IMPA1: variants seen among roughly 807,000 people sequenced by gnomAD.
IMPA1 encodes inositol monophosphatase 1.
In IMPA1, 21 loss-of-function variants were observed where a neutral mutation model predicts 34.9. That is an observed-to-expected ratio of 0.60 (90% confidence interval 0.43 to 0.87). The LOEUF is 0.87. Among genes scored for constraint, IMPA1 ranks in the 40% least tolerant of loss-of-function variants. The pLI, the probability that IMPA1 is intolerant of heterozygous loss-of-function variation, is 0.00. For synonymous variants in IMPA1, 95 were observed against 104.4 expected (o/e 0.91, Z 0.55); for missense variants, 299 against 336.4 (o/e 0.89, Z 0.87).
rs1448328320 is a variant in IMPA1 at position 81,658,084 on chromosome 8, C to T, written c.*1267G>A. The T allele has an allele frequency of 6.6e-6, 1 of 151,728 alleles. No individual in the cohort carries two copies. Among genetic ancestry groups the T allele is most frequent in the Non-Finnish European group, 1.5e-5 (1 of 68,018 alleles). 9.4% of individuals were successfully genotyped at this position (151,728 alleles called of 1,614,324 possible). ...GTACAAATAATTATAGCAGTCAAAC[C>T]TTAGTATCACACATACTTAATATAT... On this transcript the variant is annotated 3_prime_UTR_variant, in exon 9 of 9. Transcript: ENST00000256108.
At chr8:81,680,275 G>C (rs889021590) in intron 3 of IMPA1, among the ~76,000 whole-genome samples, 2 of 152,204 alleles carry the variant, frequency 1.3e-5, no homozygotes, top group Non-Finnish European at 2.9e-5. Flanking sequence ...AAACTTTGGA[G>C]ACTAGTTCAC....
intron 7 of IMPA1, among the ~76,000 whole-genome samples, chr8:81,666,403 A>G (rs1222768812): frequency 6.6e-6 from 1 of 152,224 alleles, no homozygotes; most frequent in Non-Finnish European, 1.5e-5. Context: ...AGACAAAAAC[A>G]GTCATATCAA....
rs150569359 is a variant in IMPA1 at position 81,673,480 on chromosome 8, G to C, written c.457+361C>G. On this transcript the variant is annotated intron_variant, in intron 6 of 8. Transcript: ENST00000256108. ...AAGGAAGCCGTACCCCAACCACCTC[G>C]GGCACATGTCGTCAGGACCTCCTGA... Among the ~76,000 whole-genome samples the C allele has an allele frequency of 2.9e-3, 445 of 152,164 alleles. 5 individuals carry two copies. The highest frequency in any genetic ancestry group is 0.01 in the African/African-American group (426 of 41,526).
At position 81,681,590 on chromosome 8, in the gene IMPA1, C is replaced by A. The variant is rs367746531; in HGVS notation, c.-24-6G>T. ...TGAAAATATTTGACAAATATCTGTACAAAGTAGTTATAACTGTCTTAGAAG... is the reference window on the plus strand; with the variant it reads ...TGAAAATATTTGACAAATATCTGTAAAAAGTAGTTATAACTGTCTTAGAAG... On this transcript the variant is annotated splice_region_variant and splice_polypyrimidine_tract_variant and intron_variant, in intron 1 of 8. Coordinates refer to ENST00000256108, the MANE Select transcript of IMPA1 (RefSeq NM_005536.4). 1.3e-6 allele frequency: 2 copies of A among 1,528,272 alleles called. No individual in the cohort carries two copies. The highest frequency in any genetic ancestry group is 1.8e-6 in the Non-Finnish European group (2 of 1,102,562). 94.7% of individuals were successfully genotyped at this position (1,528,272 alleles called of 1,614,324 possible). A position where few individuals can be genotyped will look rare whatever the true frequency, so the allele number is the denominator to read the frequency against.
intron 3 of IMPA1, 36 bp from the exon 4 acceptor site, chr8:81,679,266 ACT>A (rs1236733204): frequency 1.6e-6 from 2 of 1,256,054 alleles, no homozygotes; most frequent in South Asian, 2.4e-5. Context: ...TAATCTTTAC[ACT>A]GATTTCAACA....
In IMPA1 at chr8:81,685,870, C is replaced by T. The variant is rs568031086; in HGVS notation, c.-25+382G>A. On this transcript the variant is annotated intron_variant, in intron 1 of 8. Transcript: ENST00000256108. ...GCCACCTTCCTTTTTGCCACCTGTC[C>T]CAGCACCGCGACTGCGGGCAGCACA... The T allele has an allele frequency of 3.9e-6, 6 of 1,548,884 alleles. No homozygotes were observed. The African/African-American group carries it at 8.2e-5, about 21-fold the overall frequency.
rs1563579465 is a variant in IMPA1, at chr8:81,660,379, A to G, written c.718+137T>C. 9.7e-6 allele frequency: 6 copies of G among 619,794 alleles called. No individual in the cohort carries two copies. The East Asian group carries it at 1.7e-4, about 17-fold the overall frequency. The allele number at this position is 619,794 out of a possible 1,614,324, so 38.4% of individuals were successfully genotyped here. A position where few individuals can be genotyped will look rare whatever the true frequency, so the allele number is the denominator to read the frequency against. On this transcript the variant is annotated intron_variant, in intron 8 of 8. Coordinates refer to ENST00000256108, the MANE Select transcript of IMPA1 (RefSeq NM_005536.4). ...CCTCTATCTCCTAAAGCTTATTTTG[A>G]TTTTGCACACAATTATATAGCTTGT... is the stretch of plus-strand genomic sequence containing the variant.
At chr8:81,685,754 T>A in intron 1 of IMPA1, 1 of 1,521,094 alleles carries the variant, frequency 6.6e-7, no homozygotes, top group Non-Finnish European at 8.9e-7. Context: ...GGGTCCGTAG[T>A]TTACTCACTT....
chr8:81,675,930 A>G (rs1057338019), intron 5 of IMPA1, among the ~76,000 whole-genome samples: 2 of 152,238 alleles, frequency 1.3e-5, no homozygotes, highest in South Asian at 2.1e-4. Flanking sequence ...AGCATTTAAG[A>G]TCACATATAA....
chr8:81,667,449 G>T (rs752950631), intron 7 of IMPA1, among the ~76,000 whole-genome samples: 3 of 152,138 alleles, frequency 2.0e-5, no homozygotes, highest in Non-Finnish European at 4.4e-5. Flanking sequence ...GGTCATGAGG[G>T]CTTTGCCTTC....
rs200633557 is a variant in IMPA1, at chr8:81,685,967, T to TTCGG, written c.-25+281_-25+284dup. On this transcript the variant is annotated intron_variant, in intron 1 of 8. Coordinates refer to ENST00000256108, the MANE Select transcript of IMPA1 (RefSeq NM_005536.4). ...GGATGCACCAAGTTTCTAGGAGCTT[T>TTCGG]TCGGAGTTGGGGACATAAAAAGGGG... 1.1e-4 allele frequency: 160 copies of TTCGG among 1,494,328 alleles called. 1 individual carries two copies. In the East Asian group the frequency reaches 3.9e-3, roughly 37 times the overall value. 92.6% of individuals were successfully genotyped at this position (1,494,328 alleles called of 1,614,324 possible).
At position 81,658,938 on chromosome 8, in the gene IMPA1, A is replaced by T. The variant is rs1310921083; in HGVS notation, c.*413T>A. On this transcript the variant is annotated 3_prime_UTR_variant, in exon 9 of 9. Transcript: ENST00000256108. ...TAGGGTACTCAGTATATCCTTACAA[A>T]TTTAATTATATATGGTTTTTGAAAC... is the stretch of plus-strand genomic sequence containing the variant. The T allele has an allele frequency of 5.2e-6, 1 of 191,768 alleles. No individual in the cohort carries two copies. Among genetic ancestry groups the T allele is most frequent in the Non-Finnish European group, 1.0e-5 (1 of 95,524 alleles). 11.9% of individuals were successfully genotyped at this position (191,768 alleles called of 1,614,324 possible).
rs953277361 is a variant in IMPA1, at chr8:81,673,972, T to C, written c.349-23A>G. ...TATCTGCAGAGGAAAACAAGTTTCC[T>C]TTACCAAACCTAAGTATGTTTCATC... On this transcript the variant is annotated intron_variant, in intron 5 of 8. Transcript: ENST00000256108. 4 of 1,424,178 alleles carry C rather than the reference T, an allele frequency of 2.8e-6. No homozygotes were observed. The African/African-American group carries it at 4.2e-5, about 15-fold the overall frequency. The allele number at this position is 1,424,178 out of a possible 1,614,324, so 88.2% of individuals were successfully genotyped here.
intron 1 of IMPA1, among the ~76,000 whole-genome samples, chr8:81,684,015 T>C (rs1252893469): frequency 1.3e-5 from 2 of 151,846 alleles, no homozygotes; most frequent in Non-Finnish European, 2.9e-5. Flanking sequence ...AATTTCTTCA[T>C]GGCTAGTTCT....
chr8:81,679,001 T>C (rs1355328853), intron 4 of IMPA1, 125 bp downstream of exon 4: 1 of 610,652 alleles, frequency 1.6e-6, no homozygotes, highest in Non-Finnish European at 2.9e-6. Flanking sequence ...ATATACTTTA[T>C]TAGAATAAAG....
chr8:81,676,167 C>A, intron 5 of IMPA1, 67 bp downstream of exon 5: 2 of 632,958 alleles, frequency 3.2e-6, no homozygotes, highest in Non-Finnish European at 5.1e-6. Flanking sequence ...ATTATGAAAA[C>A]ACATTTACTT....
At chr8:81,670,406 A>G (rs945685130) in intron 7 of IMPA1, among the ~76,000 whole-genome samples, 6 of 152,154 alleles carry the variant, frequency 3.9e-5, no homozygotes, top group Non-Finnish European at 8.8e-5. Context: ...CGAAGATGAA[A>G]ATAATAGTGC....
At chr8:81,674,140 TCTC>T in intron 5 of IMPA1, 191 bp from the exon 6 acceptor site, 2 of 499,712 alleles carry the variant, frequency 4.0e-6, no homozygotes, top group East Asian at 6.2e-5. Context: ...TATCCTTGAC[TCTC>T]CTCCCATCCA....
At chr8:81,675,133 C>T (rs2268431) in intron 5 of IMPA1, among the ~76,000 whole-genome samples, 19,165 of 152,182 alleles carry the variant, frequency 0.13, 2,067 homozygotes, top group East Asian at 0.57. Context: ...AACCTTTGTC[C>T]TGGCCACTTG....
Sources: allele counts gnomAD v4.1 joint callset (sites outside exome capture counted in the v4.1 genomes callset), GRCh38; gene constraint gnomAD v4.1.1; transcripts MANE v1.5; gene names NCBI Gene and HGNC (gene_info 2026-07-23, HGNC 2026-07-21).